Variants in MACC1 observed in about 807,000 individuals in gnomAD.
MACC1 encodes the protein metastasis-associated in colon cancer protein 1.
In MACC1, 79 loss-of-function variants were observed where a neutral mutation model predicts 70.7. The ratio of observed to expected loss-of-function variants is 1.12; its 90% confidence interval spans 0.93 to 1.35. The LOEUF is 1.35. Among genes scored for constraint, MACC1 ranks in the 40% most tolerant of loss-of-function variants. The pLI is 0.00. For missense variants in MACC1, 1,106 were observed against 978.1 expected, an observed-to-expected ratio of 1.13 and a Z score of -1.74; for synonymous variants, 361 against 347.2, an observed-to-expected ratio of 1.04 and a Z score of -0.44.
At position 20,158,965 on chromosome 7, in the gene MACC1, C is replaced by T. The variant is rs949093727; in HGVS notation, c.1396G>A (p.Val466Ile). 3.1e-6 allele frequency: 5 copies of T among 1,614,024 alleles called. No homozygotes were observed. The highest frequency in any genetic ancestry group is 3.3e-5 in the Admixed American group (2 of 59,968). Residue 466 changes from valine to isoleucine, a missense_variant, in exon 5 of 7, where the codon GTT becomes ATT. Physicochemically the swap from Val to Ile is conservative, Grantham distance 29. Coordinates refer to ENST00000400331, the MANE Select transcript of MACC1 (RefSeq NM_182762.4). ...AAAGAAAATAAAAATTGTTGATGAA[C>T]TACTTCACCTGCTTCCAACTGCTTT... ...KQKQLEAGEV[V>I]HQQFLFSLVE...
rs1215088555 is a variant in MACC1, at chr7:20,136,990, TTAAAGA to T, written c.*3950_*3955del. The T allele has an allele frequency of 6.7e-6, 1 of 149,774 alleles. No individual in the cohort carries two copies. Among genetic ancestry groups the T allele is most frequent in the African/African-American group, 2.4e-5 (1 of 41,092 alleles). 9.3% of individuals were successfully genotyped at this position (149,774 alleles called of 1,614,324 possible). A position where few individuals can be genotyped will look rare whatever the true frequency, so the allele number is the denominator to read the frequency against. ...TATAATATTAAATTATAATTAATTC[TTAAAGA>T]TTAAGATTATTATTGTGAATAAGAA... is the stretch of plus-strand genomic sequence containing the variant. On this transcript the variant is annotated 3_prime_UTR_variant, in exon 7 of 7. Transcript: ENST00000400331.
chr7:20,213,234 A>G (rs1293374192), intron 1 of MACC1, among the ~76,000 whole-genome samples: 1 of 152,236 alleles, frequency 6.6e-6, no homozygotes, highest in Non-Finnish European at 1.5e-5. Flanking sequence ...GATATCATCT[A>G]ACACCAGTCC....
chr7:20,143,411 C>T (rs112328635), intron 6 of MACC1, among the ~76,000 whole-genome samples: 14,817 of 152,190 alleles, frequency 0.097, 897 homozygotes, highest in Middle Eastern at 0.16. Context: ...GTTTTGGAGA[C>T]GGAGTCTGGC....
At chr7:20,172,538 G>A (rs56203623) in intron 1 of MACC1, among the ~76,000 whole-genome samples, 10,207 of 152,080 alleles carry the variant, frequency 0.067, 533 homozygotes, top group East Asian at 0.27. Context: ...ATATAGGAAT[G>A]ACTTTAATTT....
chr7:20,212,949 G>T (rs2128109714), intron 1 of MACC1, among the ~76,000 whole-genome samples: 1 of 152,264 alleles, frequency 6.6e-6, no homozygotes, highest in South Asian at 2.1e-4. Context: ...CTAGTAAAAA[G>T]AAATGAGATC....
In MACC1 at chr7:20,158,379, AC is replaced by A; in HGVS notation, c.1981del (p.Val661PhefsTer7). Reference sequence around the variant, plus strand: ...ATCAGCTAAAACTTTCCAATCATAAACTTTTTCTGACACCAAGGTTAATACA... The same window carrying A: ...ATCAGCTAAAACTTTCCAATCATAAATTTTTCTGACACCAAGGTTAATACA... ...SVVLTLVSEK[V>X]YDWKVLADVL... On this transcript the variant is annotated frameshift_variant, in exon 5 of 7. Transcript: ENST00000400331. LOFTEE classifies it high-confidence loss of function. 6.2e-7 allele frequency: 1 copy of A among 1,613,662 alleles called. No homozygotes were observed. The highest frequency in any genetic ancestry group is 8.5e-7 in the Non-Finnish European group (1 of 1,179,934).
At chr7:20,190,679 A>G (rs1782659427) in intron 1 of MACC1, among the ~76,000 whole-genome samples, 1 of 152,226 alleles carries the variant, frequency 6.6e-6, no homozygotes, top group Non-Finnish European at 1.5e-5. Context: ...ATCAAACGAA[A>G]AAAAATGGAA....
Position 20,158,458 on chromosome 7 carries a change from GA to G in MACC1, c.1902del (p.Leu635PhefsTer9), listed in dbSNP as rs1258922870. ...AAAGGCAGGACAATCTGTTCAAGAA[GA>G]TTTCTGGTTGTAAAGACACTATCTG... Reference protein sequence around the residue: ...FMSDSVFTTRNLLEQIVLPLK... With the variant: ...FMSDSVFTTRXLLEQIVLPLK... On this transcript the variant is annotated frameshift_variant, in exon 5 of 7. Coordinates refer to ENST00000400331, the MANE Select transcript of MACC1 (RefSeq NM_182762.4). LOFTEE classifies it high-confidence loss of function. 2.5e-6 allele frequency: 4 copies of G among 1,614,010 alleles called. No homozygotes were observed. The highest frequency in any genetic ancestry group is 3.4e-6 in the Non-Finnish European group (4 of 1,179,988).
chr7:20,197,234 A>G (rs1782767177), intron 1 of MACC1, among the ~76,000 whole-genome samples: 1 of 152,228 alleles, frequency 6.6e-6, no homozygotes, highest in Non-Finnish European at 1.5e-5. Context: ...AAGTCAGTTA[A>G]TATTTTCTCT....
At chr7:20,187,820 G>T (rs1356424052) in intron 1 of MACC1, among the ~76,000 whole-genome samples, 1 of 152,108 alleles carries the variant, frequency 6.6e-6, no homozygotes, top group Non-Finnish European at 1.5e-5. Context: ...CTTCTCTGTT[G>T]TCATTTGCCC....
intron 1 of MACC1, among the ~76,000 whole-genome samples, chr7:20,204,786 T>A (rs978661262): frequency 6.6e-6 from 1 of 152,208 alleles, no homozygotes; most frequent in African/African-American, 2.4e-5. Flanking sequence ...TAAGGAGGAA[T>A]TAACCACCAC....
intron 1 of MACC1, among the ~76,000 whole-genome samples, chr7:20,176,441 G>A (rs939878927): frequency 3.3e-5 from 5 of 152,000 alleles, no homozygotes; most frequent in African/African-American, 1.2e-4. Flanking sequence ...TTCAAAGCCT[G>A]TATTACTAAT....
intron 1 of MACC1, among the ~76,000 whole-genome samples, chr7:20,190,412 AAATT>A (rs1442758805): frequency 7.2e-5 from 11 of 152,336 alleles, no homozygotes; most frequent in South Asian, 2.1e-4. Flanking sequence ...TAATAACCAC[AAATT>A]AATTAATAAA....
At chr7:20,187,738 C>T (rs574785306) in intron 1 of MACC1, among the ~76,000 whole-genome samples, 4 of 152,210 alleles carry the variant, frequency 2.6e-5, no homozygotes, top group Admixed American at 2.6e-4. Context: ...GCTCTTCATG[C>T]TGCCAGACAA....
rs1260199810 is a variant in MACC1, at chr7:20,141,226, A to G, written c.2347-68T>C. On this transcript the variant is annotated intron_variant, in intron 6 of 6. Coordinates refer to ENST00000400331, the MANE Select transcript of MACC1 (RefSeq NM_182762.4). ...AGGAGAGGAAAATCGTTTTTAAAAA[A>G]AAGATGTAAAAAGCCTCTTAAGATT... 3.0e-6 allele frequency: 3 copies of G among 1,007,984 alleles called. No homozygotes were observed. The East Asian group carries it at 7.6e-5, about 26-fold the overall frequency. The allele number at this position is 1,007,984 out of a possible 1,614,324, so 62.4% of individuals were successfully genotyped here. A position where few individuals can be genotyped will look rare whatever the true frequency, so the allele number is the denominator to read the frequency against.
At chr7:20,184,984 C>G (rs1185176490) in intron 1 of MACC1, 1 of 152,072 alleles carries the variant, frequency 6.6e-6, no homozygotes, top group African/African-American at 2.4e-5. Context: ...TCAACTTGAA[C>G]TTACTTCAGG....
intron 1 of MACC1, among the ~76,000 whole-genome samples, chr7:20,189,718 G>C (rs990845714): frequency 1.3e-5 from 2 of 150,678 alleles, no homozygotes; most frequent in Admixed American, 1.3e-4. Flanking sequence ...AAAAGAGACA[G>C]AGACAGACAG....
intron 1 of MACC1, among the ~76,000 whole-genome samples, chr7:20,197,258 G>A (rs1044101472): frequency 3.9e-5 from 6 of 152,152 alleles, no homozygotes; most frequent in African/African-American, 1.4e-4. Context: ...GCCCAGCACT[G>A]CCATTTTCCC....
chr7:20,182,553 T>A (rs987928177), intron 1 of MACC1, among the ~76,000 whole-genome samples: 5 of 152,194 alleles, frequency 3.3e-5, no homozygotes, highest in African/African-American at 1.2e-4. Context: ...TCTTGCCTAT[T>A]CTGAAGGGTT....
Sources: allele counts gnomAD v4.1 joint callset (sites outside exome capture counted in the v4.1 genomes callset), GRCh38; gene constraint gnomAD v4.1.1; transcripts MANE v1.5; gene names NCBI Gene and HGNC (gene_info 2026-07-23, HGNC 2026-07-21).